Variants in FHIT observed in about 807,000 individuals in gnomAD.
FHIT encodes bis(5'-adenosyl)-triphosphatase.
Under a neutral mutation model 17.9 loss-of-function variants are expected in FHIT, and 19 were observed. The ratio of observed to expected loss-of-function variants is 1.06; its 90% CI spans 0.74 to 1.56. The LOEUF (loss-of-function observed/expected upper bound fraction) is 1.56, where lower values mean the gene tolerates loss of function less well. Among genes scored for constraint, FHIT ranks in the 40% most tolerant of loss-of-function variants. The pLI, the probability that FHIT is intolerant of heterozygous loss-of-function variation, is 0.00. For synonymous variants in FHIT, 81 were observed against 69.7 expected, an observed-to-expected ratio of 1.16 and a Z score of -0.81; for missense variants, 248 against 189.2, an observed-to-expected ratio of 1.31 and a Z score of -1.82.
At chr3:60,990,387 G>A (rs2030079562) in intron 3 of FHIT, among the ~76,000 whole-genome samples, 1 of 152,194 alleles carries the variant, frequency 6.6e-6, no homozygotes, top group Non-Finnish European at 1.5e-5. Flanking sequence ...GCATTGAGCA[G>A]AACAAAGGAT....
chr3:59,870,874 C>CAT (rs145827785), intron 8 of FHIT, among the ~76,000 whole-genome samples: 5 of 149,778 alleles, frequency 3.3e-5, no homozygotes, highest in African/African-American at 9.8e-5. Flanking sequence ...TGTGTGTGTG[C>CAT]GTGTGTGTGT....
intron 8 of FHIT, among the ~76,000 whole-genome samples, chr3:59,856,256 C>A (rs1374303997): frequency 6.6e-6 from 1 of 151,942 alleles, no homozygotes; most frequent in East Asian, 1.9e-4. Context: ...CCATAATGGA[C>A]CCAAGAAATA....
chr3:60,745,371 C>G (rs1432355152), intron 4 of FHIT, among the ~76,000 whole-genome samples: 4 of 152,092 alleles, frequency 2.6e-5, no homozygotes, highest in African/African-American at 7.2e-5. Flanking sequence ...GAATAAAGAC[C>G]AGTGAGATTG....
At chr3:60,519,748 G>A (rs1022927495) in intron 5 of FHIT, among the ~76,000 whole-genome samples, 1 of 152,078 alleles carries the variant, frequency 6.6e-6, no homozygotes, top group African/African-American at 2.4e-5. Flanking sequence ...GTAACATCAT[G>A]GCTTTTCTCT....
chr3:60,828,627 C>A (rs937352815), intron 3 of FHIT, among the ~76,000 whole-genome samples: 5 of 152,080 alleles, frequency 3.3e-5, no homozygotes, highest in Admixed American at 6.6e-5. Context: ...GCCTGTAATC[C>A]CAGCACGTTG....
chr3:60,015,819 A>G (rs966160826), intron 5 of FHIT, among the ~76,000 whole-genome samples: 1 of 152,132 alleles, frequency 6.6e-6, no homozygotes, highest in Non-Finnish European at 1.5e-5. Flanking sequence ...ATCTAATGTA[A>G]ATTTAGTAAT....
chr3:60,262,117 G>A (rs570308714), intron 5 of FHIT, among the ~76,000 whole-genome samples: 40 of 151,998 alleles, frequency 2.6e-4, no homozygotes, highest in African/African-American at 8.4e-4. Context: ...GTTTTTCTCC[G>A]GTTAATCTGT....
chr3:60,388,298 C>A (rs1463431489), intron 5 of FHIT, among the ~76,000 whole-genome samples: 2 of 152,164 alleles, frequency 1.3e-5, no homozygotes, highest in African/African-American at 4.8e-5. Context: ...CAAGGCACGT[C>A]TCTTGAGTTA....
chr3:60,157,465 T>G (rs1366167068), intron 5 of FHIT, among the ~76,000 whole-genome samples: 1 of 152,184 alleles, frequency 6.6e-6, no homozygotes, highest in African/African-American at 2.4e-5. Flanking sequence ...AGTTTGAATA[T>G]TCTATGATAT....
At chr3:60,592,948 G>A (rs1482028094) in intron 4 of FHIT, among the ~76,000 whole-genome samples, 1 of 152,108 alleles carries the variant, frequency 6.6e-6, no homozygotes, top group Non-Finnish European at 1.5e-5. Flanking sequence ...TTATAGCAAA[G>A]GTCCCAGTGG....
intron 5 of FHIT, among the ~76,000 whole-genome samples, chr3:60,413,272 T>C (rs189703025): frequency 1.3e-5 from 2 of 152,144 alleles, no homozygotes; most frequent in Admixed American, 1.3e-4. Flanking sequence ...AGTTAATAAA[T>C]TCAGAAACTG....
At chr3:60,742,941 C>T (rs1403831266) in intron 4 of FHIT, among the ~76,000 whole-genome samples, 1 of 152,202 alleles carries the variant, frequency 6.6e-6, no homozygotes, top group Non-Finnish European at 1.5e-5. Context: ...ACCTACTGAC[C>T]ATATTCATCC....
chr3:60,517,772 T>C (rs190331181), intron 5 of FHIT, among the ~76,000 whole-genome samples: 1 of 152,214 alleles, frequency 6.6e-6, no homozygotes, highest in African/African-American at 2.4e-5. Context: ...ATTACCCCTA[T>C]GCAGGAAACA....
At chr3:61,114,681 C>G (rs761247012) in intron 2 of FHIT, among the ~76,000 whole-genome samples, 7 of 152,104 alleles carry the variant, frequency 4.6e-5, no homozygotes, top group Non-Finnish European at 7.4e-5. Context: ...TGACCTTTGA[C>G]CCTGTCCTGT....
At chr3:59,883,602 C>T (rs943712306) in intron 8 of FHIT, among the ~76,000 whole-genome samples, 1 of 152,184 alleles carries the variant, frequency 6.6e-6, no homozygotes, top group Non-Finnish European at 1.5e-5. Context: ...AGCTACTATT[C>T]AACATGAGAT....
At chr3:60,685,936 A>G (rs1553698318) in intron 4 of FHIT, among the ~76,000 whole-genome samples, 1 of 152,108 alleles carries the variant, frequency 6.6e-6, no homozygotes, top group African/African-American at 2.4e-5. Flanking sequence ...TTACATAAGG[A>G]TCTGAGTTTT....
chr3:61,074,733 AT>A, intron 2 of FHIT, among the ~76,000 whole-genome samples: 1 of 152,256 alleles, frequency 6.6e-6, no homozygotes, highest in East Asian at 1.9e-4. Context: ...ACAAATATTC[AT>A]TTTGGTGAGC....
intron 7 of FHIT, among the ~76,000 whole-genome samples, chr3:59,995,702 C>T (rs185614686): frequency 1.2e-4 from 18 of 152,190 alleles, no homozygotes; most frequent in African/African-American, 4.3e-4. Flanking sequence ...GGAATCTCCT[C>T]CTCCCACCCT....
chr3:60,670,426 C>T (rs2040480409), intron 4 of FHIT, among the ~76,000 whole-genome samples: 1 of 152,156 alleles, frequency 6.6e-6, no homozygotes, highest in Admixed American at 6.6e-5. Flanking sequence ...TCAGTGTCTC[C>T]TCCTTTGTGT....
Sources: allele counts gnomAD v4.1 joint callset (sites outside exome capture counted in the v4.1 genomes callset), GRCh38; gene constraint gnomAD v4.1.1; transcripts MANE v1.5; gene names NCBI Gene and HGNC (gene_info 2026-07-23, HGNC 2026-07-21).